Variants in GLDC observed in about 807,000 individuals in gnomAD.
GLDC encodes the protein glycine decarboxylase.
Under a neutral mutation model 121.3 loss-of-function variants are expected in GLDC, and 104 were observed. That is an observed-to-expected ratio of 0.86 (90% CI 0.73 to 1.01). GLDC has a LOEUF of 1.01. Ranked by LOEUF, GLDC falls within the 50% of genes least tolerant of loss-of-function variation. The pLI, the probability that GLDC is intolerant of heterozygous loss-of-function variation, is 0.00. For synonymous variants in GLDC, 546 were observed against 480.6 expected (o/e 1.14, Z -1.78); for missense variants, 1,429 against 1,306.6 (o/e 1.09, Z -1.44).
In GLDC at chr9:6,592,904, A is replaced by G. The variant is rs1445854625; in HGVS notation, c.1348T>C (p.Leu450=). 6.2e-7 allele frequency: 1 copy of G among 1,614,034 alleles called. No individual in the cohort carries two copies. Among genetic ancestry groups the G allele is most frequent in the South Asian group, 1.1e-5 (1 of 91,082 alleles). The part of the protein sequence containing the change: ...IQCGCSVKEV[L]GRAAQRQINF... Reference sequence around the variant, plus strand: ...ATCTGCCGCTGAGCGGCCCTGCCCAAGACCTCCTTCACTGAGCAGCCACAC... The same window carrying G: ...ATCTGCCGCTGAGCGGCCCTGCCCAGGACCTCCTTCACTGAGCAGCCACAC... The change falls in exon 10 of 25, where the codon TTG becomes CTG. Residue 450 remains leucine, a synonymous_variant. Transcript: ENST00000321612.
In GLDC at chr9:6,550,964, A is replaced by G. The variant is rs765438728; in HGVS notation, c.2458-50T>C. ...TTAGCCATTGAACAGGCAAACACGA[A>G]TGTGAAGAAACCAACCAAAAGACAC... On this transcript the variant is annotated intron_variant, in intron 20 of 24. Coordinates refer to ENST00000321612, the MANE Select transcript of GLDC (RefSeq NM_000170.3). 3.2e-6 allele frequency: 4 copies of G among 1,233,856 alleles called. No homozygotes were observed. In the Admixed American group the frequency reaches 5.0e-5, roughly 16 times the overall value. 76.4% of individuals were successfully genotyped at this position (1,233,856 alleles called of 1,614,324 possible).
At chr9:6,604,565 T>G in intron 7 of GLDC, 23 bp downstream of exon 7, 1 of 1,585,410 alleles carries the variant, frequency 6.3e-7, no homozygotes, top group Non-Finnish European at 8.7e-7. Flanking sequence ...ACAATAAAAG[T>G]AGAGAAACAT....
intron 8 of GLDC, among the ~76,000 whole-genome samples, chr9:6,600,577 C>A (rs10975672): frequency 0.027 from 4,051 of 150,886 alleles, 81 homozygotes; most frequent in South Asian, 0.075. Flanking sequence ...GGCTGAGGCA[C>A]AAGAATCACT....
intron 15 of GLDC, chr9:6,568,759 G>C (rs1817898785): frequency 6.6e-6 from 1 of 152,186 alleles, no homozygotes; most frequent in Admixed American, 6.6e-5. Context: ...TGAAGTGGGA[G>C]AATCACTTGA....
At chr9:6,620,913 A>G (rs1318714246) in intron 2 of GLDC, among the ~76,000 whole-genome samples, 1 of 152,208 alleles carries the variant, frequency 6.6e-6, no homozygotes, top group African/African-American at 2.4e-5. Context: ...CACACCTGCA[A>G]TCCCAGCACT....
chr9:6,640,317 C>G (rs1224863746), intron 2 of GLDC, among the ~76,000 whole-genome samples: 2 of 152,230 alleles, frequency 1.3e-5, no homozygotes, highest in Admixed American at 1.3e-4. Flanking sequence ...AAAGGAAAGC[C>G]TTGTCACAGA....
In GLDC at chr9:6,591,157, A is replaced by G. The variant is rs552334108; in HGVS notation, c.1482+986T>C. 1.8e-3 allele frequency among the ~76,000 whole-genome samples: 281 copies of G among 152,312 alleles called. 3 individuals carry two copies. Among genetic ancestry groups the G allele is most frequent in the Admixed American group, 5.0e-3 (77 of 15,304 alleles). ...CTTTCCCCCACTACTTCATTATTTT[A>G]GAAAGCAACTCATTACACTGAACTG... On this transcript the variant is annotated intron_variant, in intron 11 of 24. Coordinates refer to ENST00000321612, the MANE Select transcript of GLDC (RefSeq NM_000170.3).
At chr9:6,577,482 AC>A (rs536124334) in intron 15 of GLDC, among the ~76,000 whole-genome samples, 197 of 152,218 alleles carry the variant, frequency 1.3e-3, no homozygotes, top group Non-Finnish European at 2.3e-3. Context: ...TGAGCCTATA[AC>A]CAACTTACTA....
chr9:6,565,550 C>T lies in GLDC; in HGVS notation c.1851-121G>A, dbSNP rs145277965. The T allele has an allele frequency of 2.2e-4, 169 of 784,808 alleles. No homozygotes were observed. The East Asian group carries it at 3.8e-3, about 18-fold the overall frequency. 48.6% of individuals were successfully genotyped at this position (784,808 alleles called of 1,614,324 possible). ...ACGTGACACATGGTCACTGTCCAGA[C>T]GCTGAGAGAAGCTCATCAAGGAGCT... is the stretch of plus-strand genomic sequence containing the variant. On this transcript the variant is annotated intron_variant, in intron 15 of 24. Coordinates refer to ENST00000321612, the MANE Select transcript of GLDC (RefSeq NM_000170.3).
At chr9:6,561,591 A>G (rs902447638) in intron 16 of GLDC, among the ~76,000 whole-genome samples, 1 of 152,158 alleles carries the variant, frequency 6.6e-6, no homozygotes, top group African/African-American at 2.4e-5. Context: ...GGAGGTTGCC[A>G]TAAGCCAAGA....
chr9:6,633,821 C>CTTTTTTT (rs1156711956), intron 2 of GLDC, among the ~76,000 whole-genome samples: 4 of 89,462 alleles, frequency 4.5e-5, no homozygotes, highest in African/African-American at 1.5e-4. Flanking sequence ...GCAGGAGAAT[C>CTTTTTTT]TTTTTTTTTT....
At chr9:6,611,986 T>C (rs1373893629) in intron 3 of GLDC, among the ~76,000 whole-genome samples, 4 of 143,460 alleles carry the variant, frequency 2.8e-5, no homozygotes, top group Non-Finnish European at 6.2e-5. Flanking sequence ...TGATTCAAGA[T>C]CACAACTGCC....
At chr9:6,550,765 A>G in intron 21 of GLDC, 38 bp downstream of exon 21, 1 of 1,429,280 alleles carries the variant, frequency 7.0e-7, no homozygotes, top group Non-Finnish European at 9.9e-7. Flanking sequence ...TGGCCAAGAA[A>G]AAAACCAAAG....
At chr9:6,546,188 C>A (rs1360617042) in intron 21 of GLDC, among the ~76,000 whole-genome samples, 1 of 151,428 alleles carries the variant, frequency 6.6e-6, no homozygotes, top group East Asian at 2.0e-4. Flanking sequence ...TCATTGTCTT[C>A]CACCTCCTCA....
intron 22 of GLDC, among the ~76,000 whole-genome samples, chr9:6,538,507 A>G (rs1433773310): frequency 6.6e-6 from 1 of 152,192 alleles, no homozygotes; most frequent in Non-Finnish European, 1.5e-5. Flanking sequence ...TGTCATGTTC[A>G]TTGTTTTTCG....
chr9:6,588,770 A>G (rs778149524), intron 12 of GLDC, 68 bp from the exon 13 acceptor site: 26 of 919,856 alleles, frequency 2.8e-5, no homozygotes, highest in Non-Finnish European at 4.4e-5. Context: ...TCCTCCTGAC[A>G]TATAAGACAC....
At chr9:6,624,439 T>C (rs1819189173) in intron 2 of GLDC, among the ~76,000 whole-genome samples, 1 of 152,114 alleles carries the variant, frequency 6.6e-6, no homozygotes, top group African/African-American at 2.4e-5. Flanking sequence ...ACTGGAGCAA[T>C]GTATCCACAG....
At chr9:6,561,606 G>A (rs1399286686) in intron 16 of GLDC, among the ~76,000 whole-genome samples, 2 of 152,170 alleles carry the variant, frequency 1.3e-5, no homozygotes, top group Non-Finnish European at 2.9e-5. Context: ...CCAAGATCAT[G>A]CCATTGCACT....
chr9:6,542,638 C>T lies in GLDC; in HGVS notation c.2570-2492G>A, dbSNP rs573672465. Among the ~76,000 whole-genome samples, 13 of 151,682 alleles carry T rather than the reference C, an allele frequency of 8.6e-5. No individual in the cohort carries two copies. The South Asian group carries it at 2.8e-3, about 32-fold the overall frequency. On this transcript the variant is annotated intron_variant, in intron 21 of 24. Coordinates refer to ENST00000321612, the MANE Select transcript of GLDC (RefSeq NM_000170.3). ...TGGTAGCTCACACTTGTAATCCCAG[C>T]ATTTCAGGAGACCGAGGCAGGAAGA...
Sources: gnomAD v4.1 joint callset for allele counts (sites outside exome capture counted in the v4.1 genomes callset) on GRCh38, gnomAD v4.1.1 for gene constraint, MANE v1.5 for transcripts, NCBI Gene and HGNC (gene_info 2026-07-23, HGNC 2026-07-21) for gene names.